Variants in IL1RAPL1 observed in about 807,000 individuals in gnomAD.
IL1RAPL1 encodes interleukin 1 receptor accessory protein like 1.
Under a neutral mutation model 48.4 loss-of-function variants are expected in IL1RAPL1, and 3 were observed. The observed-to-expected ratio is 0.06, with a 90% CI of 0.03 to 0.16. The LOEUF (loss-of-function observed/expected upper bound fraction) is 0.16, where lower values mean the gene tolerates loss of function less well. Ranked by LOEUF, IL1RAPL1 falls within the 10% of genes least tolerant of loss-of-function variation. IL1RAPL1 has a pLI of 1.00. For missense variants in IL1RAPL1, 349 were observed against 530.6 expected (o/e 0.66, Z 3.36); for synonymous variants, 185 against 187.7 (o/e 0.99, Z 0.12).
At chrX:28,989,685 A>G (rs750477684) in intron 2 of IL1RAPL1, among the ~76,000 whole-genome samples, 1 of 112,459 alleles carries the variant, frequency 8.9e-6, no homozygotes, top group Non-Finnish European at 1.9e-5. Flanking sequence ...AAACACAACT[A>G]ACATCACTTC....
chrX:28,611,084 C>T (rs1238927801), intron 1 of IL1RAPL1, among the ~76,000 whole-genome samples: 1 of 111,595 alleles, frequency 9.0e-6, no homozygotes, highest in Non-Finnish European at 1.9e-5. Flanking sequence ...AGTTAGTGTT[C>T]TCCCTCCCAC....
rs182745782 is a variant in IL1RAPL1 at position 29,167,157 on chromosome X, C to T, written c.83-115781C>T. 1.3e-4 allele frequency among the ~76,000 whole-genome samples: 14 copies of T among 111,534 alleles called. No individual in the cohort carries two copies. The East Asian group carries it at 3.6e-3, about 29-fold the overall frequency. ...CATCTTGTTTTGAACACGGTGAATTCTCAGTAAGTATTTCCTATCATTTCA... is the reference window on the plus strand; with the variant it reads ...CATCTTGTTTTGAACACGGTGAATTTTCAGTAAGTATTTCCTATCATTTCA... On this transcript the variant is annotated intron_variant, in intron 2 of 10. Transcript: ENST00000378993.
At chrX:28,877,358 G>A (rs1922400887) in intron 2 of IL1RAPL1, among the ~76,000 whole-genome samples, 1 of 112,248 alleles carries the variant, frequency 8.9e-6, no homozygotes, top group African/African-American at 3.2e-5. Context: ...AATGTTTCTG[G>A]TTCACTTCTT....
At chrX:28,632,414 G>A (rs1934410862) in intron 1 of IL1RAPL1, among the ~76,000 whole-genome samples, 1 of 111,371 alleles carries the variant, frequency 9.0e-6, no homozygotes, top group Admixed American at 9.6e-5. Flanking sequence ...TGGTGGGTAG[G>A]GCTTCAACAT....
intron 2 of IL1RAPL1, among the ~76,000 whole-genome samples, chrX:29,087,841 C>A (rs1306192024): frequency 8.9e-6 from 1 of 111,812 alleles, no homozygotes; most frequent in Non-Finnish European, 1.9e-5. Flanking sequence ...TTGAGACCGG[C>A]CTGGGCAACA....
chrX:29,341,265 G>A (rs188458521), intron 3 of IL1RAPL1, among the ~76,000 whole-genome samples: 332 of 111,854 alleles, frequency 3.0e-3, no homozygotes, highest in African/African-American at 0.01. Context: ...TTGTAGCCCT[G>A]ACGGAAGAGT....
intron 3 of IL1RAPL1, among the ~76,000 whole-genome samples, chrX:29,312,213 G>A (rs1932735931): frequency 9.0e-6 from 1 of 111,491 alleles, no homozygotes; most frequent in African/African-American, 3.3e-5. Context: ...GCCGAGGAGG[G>A]TGGATCGCCT....
chrX:29,367,729 C>T (rs931595908), intron 3 of IL1RAPL1, among the ~76,000 whole-genome samples: 16 of 108,334 alleles, frequency 1.5e-4, no homozygotes, highest in African/African-American at 2.7e-4. Context: ...TACAGGCGCA[C>T]GCCACCACGC....
At chrX:29,344,842 C>T (rs1323906499) in intron 3 of IL1RAPL1, among the ~76,000 whole-genome samples, 1 of 111,819 alleles carries the variant, frequency 8.9e-6, no homozygotes, top group African/African-American at 3.2e-5. Context: ...TTCACCATAT[C>T]GGCCAGGATG....
chrX:29,634,477 A>T (rs1569133531), intron 5 of IL1RAPL1, among the ~76,000 whole-genome samples: 1 of 111,570 alleles, frequency 9.0e-6, no homozygotes, highest in Non-Finnish European at 1.9e-5. Flanking sequence ...GAAGCAGCCT[A>T]TAATTTTAAT....
chrX:28,875,251 G>A (rs1401555329), intron 2 of IL1RAPL1, among the ~76,000 whole-genome samples: 1 of 111,788 alleles, frequency 8.9e-6, no homozygotes, highest in Non-Finnish European at 1.9e-5. Flanking sequence ...TTGACTTTTA[G>A]ATTATGGAAG....
intron 2 of IL1RAPL1, among the ~76,000 whole-genome samples, chrX:28,978,636 C>CT (rs1925260820): frequency 9.0e-6 from 1 of 111,539 alleles, no homozygotes; most frequent in African/African-American, 3.3e-5. Flanking sequence ...TAGGAGCCAA[C>CT]TTGAATCTAG....
intron 8 of IL1RAPL1, among the ~76,000 whole-genome samples, chrX:29,921,474 C>T (rs775619552): frequency 8.9e-6 from 1 of 111,831 alleles, no homozygotes; most frequent in Non-Finnish European, 1.9e-5. Flanking sequence ...AAATAGTCTA[C>T]CTTTTAGGGA....
chrX:28,985,801 A>G (rs1174443504), intron 2 of IL1RAPL1, among the ~76,000 whole-genome samples: 1 of 109,281 alleles, frequency 9.2e-6, no homozygotes, highest in South Asian at 4.0e-4. Context: ...CTGGGACTAC[A>G]GGCGCCCGCC....
At chrX:29,644,872 C>T (rs1404469335) in intron 5 of IL1RAPL1, among the ~76,000 whole-genome samples, 2 of 112,673 alleles carry the variant, frequency 1.8e-5, no homozygotes, top group East Asian at 5.6e-4. Flanking sequence ...CAGCCTCTGT[C>T]GTATGTTGTT....
intron 2 of IL1RAPL1, among the ~76,000 whole-genome samples, chrX:28,968,374 A>G (rs1305805492): frequency 1.8e-5 from 2 of 110,949 alleles, no homozygotes; most frequent in African/African-American, 6.6e-5. Context: ...AAAAATGCAA[A>G]TTGTGAGTTA....
At chrX:29,690,523 A>G (rs1244306931) in intron 6 of IL1RAPL1, among the ~76,000 whole-genome samples, 1 of 111,732 alleles carries the variant, frequency 8.9e-6, no homozygotes, top group East Asian at 2.8e-4. Context: ...GTCTTCAAAA[A>G]GTTCCTCTTG....
At chrX:29,007,274 A>G (rs1307637404) in intron 2 of IL1RAPL1, among the ~76,000 whole-genome samples, 1 of 111,924 alleles carries the variant, frequency 8.9e-6, no homozygotes, top group Non-Finnish European at 1.9e-5. Context: ...AAATGATTAG[A>G]GTCACATACA....
intron 6 of IL1RAPL1, among the ~76,000 whole-genome samples, chrX:29,733,271 CT>C (rs1927966573): frequency 8.9e-6 from 1 of 112,067 alleles, no homozygotes; most frequent in South Asian, 3.7e-4. Context: ...ACTTTTTTCC[CT>C]CCTATCTGAC....
Sources: gnomAD v4.1 joint callset for allele counts (sites outside exome capture counted in the v4.1 genomes callset) on GRCh38, gnomAD v4.1.1 for gene constraint, MANE v1.5 for transcripts, NCBI Gene and HGNC (gene_info 2026-07-23, HGNC 2026-07-21) for gene names.